DZIP3: variants seen among roughly 807,000 people sequenced by gnomAD.
DZIP3 encodes the protein E3 ubiquitin-protein ligase DZIP3.
In DZIP3, 118 loss-of-function variants were observed where a neutral mutation model predicts 162.0. That is an observed-to-expected ratio of 0.73 (90% confidence interval 0.63 to 0.85). DZIP3 has a LOEUF of 0.85. Among genes scored for constraint, DZIP3 ranks in the 40% least tolerant of loss-of-function variants. The pLI, the probability that DZIP3 is intolerant of heterozygous loss-of-function variation, is 0.00. For synonymous variants in DZIP3, 438 were observed against 458.6 expected (o/e 0.96, Z 0.57); for missense variants, 1,331 against 1,407.0 (o/e 0.95, Z 0.86).
chr3:108,688,757 T>A, intron 30 of DZIP3, 21 bp downstream of exon 30: 1 of 1,613,922 alleles, frequency 6.2e-7, no homozygotes, highest in Non-Finnish European at 8.5e-7. Context: ...AATTTTTGAT[T>A]CTGAACACAT....
At chr3:108,605,270 G>A in intron 1 of DZIP3, 65 bp from the exon 2 acceptor site, 1 of 1,181,528 alleles carries the variant, frequency 8.5e-7, no homozygotes. Context: ...ATCACGTTCT[G>A]TTTTCATAGT....
intron 3 of DZIP3, among the ~76,000 whole-genome samples, chr3:108,608,679 G>T (rs1940527297): frequency 6.6e-6 from 1 of 152,008 alleles, no homozygotes; most frequent in East Asian, 1.9e-4. Flanking sequence ...ATACTTTTAT[G>T]GTAGTTAAAA....
chr3:108,657,835 C>G (rs1275449328), intron 19 of DZIP3, among the ~76,000 whole-genome samples: 3 of 152,110 alleles, frequency 2.0e-5, no homozygotes, highest in African/African-American at 4.8e-5. Flanking sequence ...GCAGGGGTTG[C>G]AATCCTAGTC....
chr3:108,658,429 T>A (rs1576430692), intron 19 of DZIP3, among the ~76,000 whole-genome samples: 1 of 151,968 alleles, frequency 6.6e-6, no homozygotes, highest in South Asian at 2.1e-4. Flanking sequence ...ATAAAGATGT[T>A]CTTTGAAACC....
intron 24 of DZIP3, among the ~76,000 whole-genome samples, chr3:108,674,778 C>G (rs1944043264): frequency 6.6e-6 from 1 of 151,762 alleles, no homozygotes; most frequent in African/African-American, 2.4e-5. Flanking sequence ...AATTTATAAT[C>G]TCATGGGGTA....
At chr3:108,690,356 G>A (rs1244569326) in intron 31 of DZIP3, among the ~76,000 whole-genome samples, 1 of 152,166 alleles carries the variant, frequency 6.6e-6, no homozygotes, top group African/African-American at 2.4e-5. Flanking sequence ...TCTGAGAAGT[G>A]TATTCATGAT....
At chr3:108,651,246 T>C (rs1005573548) in intron 18 of DZIP3, 84 bp downstream of exon 18, 1 of 470,422 alleles carries the variant, frequency 2.1e-6, no homozygotes, top group Non-Finnish European at 3.0e-6. Context: ...CTTCCTTCCT[T>C]TGGGAAGTTT....
intron 10 of DZIP3, among the ~76,000 whole-genome samples, chr3:108,636,092 A>G (rs1942135387): frequency 1.3e-5 from 2 of 151,998 alleles, no homozygotes. Flanking sequence ...CTGTAAAAAC[A>G]ATTGTATAAA....
At chr3:108,622,789 C>G (rs1302984422) in intron 5 of DZIP3, among the ~76,000 whole-genome samples, 3 of 150,974 alleles carry the variant, frequency 2.0e-5, no homozygotes, top group Non-Finnish European at 4.4e-5. Context: ...CTTGGATTAC[C>G]AGGCAGAGAC....
intron 26 of DZIP3, among the ~76,000 whole-genome samples, chr3:108,681,182 C>T (rs949989348): frequency 1.3e-5 from 2 of 152,160 alleles, no homozygotes; most frequent in Middle Eastern, 3.4e-3. Flanking sequence ...CAATCTTATC[C>T]GTCTGACAAA....
intron 19 of DZIP3, among the ~76,000 whole-genome samples, chr3:108,660,410 G>C (rs1445878229): frequency 1.3e-5 from 2 of 152,138 alleles, no homozygotes; most frequent in African/African-American, 4.8e-5. Context: ...TTTAATAAAT[G>C]GTGCTGGGAA....
chr3:108,682,175 G>A (rs1192398013), intron 26 of DZIP3, among the ~76,000 whole-genome samples: 2 of 150,982 alleles, frequency 1.3e-5, no homozygotes, highest in Non-Finnish European at 2.9e-5. Flanking sequence ...CTGTTGGTGG[G>A]AATGTAAATT....
chr3:108,606,653 G>A (rs1164525688), intron 2 of DZIP3, among the ~76,000 whole-genome samples: 1 of 152,104 alleles, frequency 6.6e-6, no homozygotes, highest in Non-Finnish European at 1.5e-5. Context: ...CTGAGCTGAG[G>A]AAATAGCAAG....
intron 12 of DZIP3, among the ~76,000 whole-genome samples, chr3:108,639,635 G>A (rs1366429380): frequency 1.3e-5 from 2 of 149,890 alleles, no homozygotes; most frequent in African/African-American, 2.4e-5. Context: ...TCTCTGTAGC[G>A]ATGTCACCTT....
At chr3:108,684,859 G>C (rs1348375637) in intron 27 of DZIP3, among the ~76,000 whole-genome samples, 1 of 152,086 alleles carries the variant, frequency 6.6e-6, no homozygotes, top group Non-Finnish European at 1.5e-5. Context: ...CAAATAGCCA[G>C]ATAAACTTTA....
chr3:108,628,416 G>A (rs767909274), intron 7 of DZIP3, among the ~76,000 whole-genome samples: 10 of 152,126 alleles, frequency 6.6e-5, no homozygotes, highest in Non-Finnish European at 1.2e-4. Context: ...CCTAATTTTA[G>A]TGTAGTTCTG....
intron 1 of DZIP3, among the ~76,000 whole-genome samples, chr3:108,604,836 T>G (rs1318606135): frequency 6.6e-6 from 1 of 152,184 alleles, no homozygotes; most frequent in East Asian, 1.9e-4. Context: ...AATGAAATAT[T>G]TGTGTCTTTT....
In DZIP3 at chr3:108,672,552, T is replaced by A; in HGVS notation, c.2493-8T>A. ...ATATTGCGAGTCTTTAATGATCATG[T>A]ATTTCAGATCTCAGTGGGAAATGGA... is the stretch of plus-strand genomic sequence containing the variant. On this transcript the variant is annotated splice_region_variant and splice_polypyrimidine_tract_variant and intron_variant, in intron 22 of 32. Coordinates refer to ENST00000361582, the MANE Select transcript of DZIP3 (RefSeq NM_014648.4). The A allele has an allele frequency of 2.5e-6, 4 of 1,608,648 alleles. No homozygotes were observed. Among genetic ancestry groups the A allele is most frequent in the Non-Finnish European group, 2.6e-6 (3 of 1,175,748 alleles).
At chr3:108,590,235 T>G (rs1452316597) in intron 1 of DZIP3, 4 of 152,186 alleles carry the variant, frequency 2.6e-5, no homozygotes, top group Non-Finnish European at 5.9e-5. Flanking sequence ...ATGAAGCGAG[T>G]CAGTTACTGG....
Sources: allele counts gnomAD v4.1 joint callset (sites outside exome capture counted in the v4.1 genomes callset), GRCh38; gene constraint gnomAD v4.1.1; transcripts MANE v1.5; gene names NCBI Gene and HGNC (gene_info 2026-07-23, HGNC 2026-07-21).